BCL2L13: variants seen among roughly 807,000 people sequenced by gnomAD.
BCL2L13 encodes bcl-2-like protein 13.
BCL2L13 carries 13 observed loss-of-function variants against 25.8 expected under a neutral mutation model. That is an observed-to-expected ratio of 0.50 (90% CI 0.33 to 0.80). The LOEUF (loss-of-function observed/expected upper bound fraction) is 0.80, where lower values mean the gene tolerates loss of function less well. BCL2L13 is among the 30% of genes least tolerant of loss of function. The probability of loss-of-function intolerance (pLI) is 0.02; values close to 1 mark genes in which losing one functional copy is unlikely to be tolerated. For missense variants in BCL2L13, 504 were observed against 574.9 expected, an observed-to-expected ratio of 0.88 and a Z score of 1.26; for synonymous variants, 244 against 230.3, an observed-to-expected ratio of 1.06 and a Z score of -0.54.
intron 4 of BCL2L13, among the ~76,000 whole-genome samples, chr22:17,690,272 G>A (rs554356068): frequency 2.6e-5 from 4 of 152,202 alleles, no homozygotes; most frequent in Non-Finnish European, 5.9e-5. Context: ...GTTGCAGTGA[G>A]CTGAGATCAT....
chr22:17,718,839 C>G (rs1424357707), intron 6 of BCL2L13, among the ~76,000 whole-genome samples: 1 of 152,306 alleles, frequency 6.6e-6, no homozygotes, highest in African/African-American at 2.4e-5. Flanking sequence ...ATATCAGTAT[C>G]TAATTTTGTA....
At chr22:17,661,534 G>A (rs192021231) in intron 2 of BCL2L13, among the ~76,000 whole-genome samples, 2 of 146,130 alleles carry the variant, frequency 1.4e-5, no homozygotes, top group East Asian at 1.9e-4. Context: ...ACAGTCAAAG[G>A]GCTGAACTTT....
chr22:17,680,635 G>A (rs2059723295), intron 2 of BCL2L13, among the ~76,000 whole-genome samples: 1 of 151,646 alleles, frequency 6.6e-6, no homozygotes, highest in East Asian at 1.9e-4. Context: ...AGTGCATTGC[G>A]GTGTCTTAAG....
chr22:17,683,080 C>T (rs868103346), intron 2 of BCL2L13, 134 bp from the exon 3 acceptor site: 35 of 537,106 alleles, frequency 6.5e-5, no homozygotes, highest in African/African-American at 5.2e-4. Flanking sequence ...TTGCAGTGAG[C>T]GGAGATCATG....
At chr22:17,707,207 T>C (rs1432591114) in intron 6 of BCL2L13, among the ~76,000 whole-genome samples, 1 of 152,160 alleles carries the variant, frequency 6.6e-6, no homozygotes, top group African/African-American at 2.4e-5. Context: ...TATATGTGGG[T>C]GTGGATGTTT....
intron 4 of BCL2L13, among the ~76,000 whole-genome samples, chr22:17,693,757 A>G (rs750289430): frequency 6.6e-6 from 1 of 151,016 alleles, no homozygotes; most frequent in Non-Finnish European, 1.5e-5. Context: ...TTAATTTGAG[A>G]TGGAGTTTCG....
Position 17,702,387 on chromosome 22 carries a change from GTATGAGCTGTTA to G in BCL2L13, c.600+5_600+16del. ...GTACATCATTCAGCAAGGTGGCTGG[GTATGAGCTGTTA>G]TATATTAAAAATATTTTCTTGAAAA... On this transcript the variant is annotated splice_donor_variant and splice_donor_5th_base_variant and intron_variant, in intron 6 of 6. Transcript: ENST00000317582. LOFTEE classifies it high-confidence loss of function. The G allele has an allele frequency of 6.4e-7, 1 of 1,571,252 alleles. No homozygotes were observed. The highest frequency in any genetic ancestry group is 1.7e-4 in the Middle Eastern group (1 of 5,890).
At chr22:17,704,642 T>A (rs962069141) in intron 6 of BCL2L13, among the ~76,000 whole-genome samples, 4 of 151,818 alleles carry the variant, frequency 2.6e-5, no homozygotes, top group Non-Finnish European at 4.4e-5. Context: ...TGGGTGTGGC[T>A]GAAGATGATG....
rs1316498010 is a variant in BCL2L13 at position 17,645,334 on chromosome 22, G to C, written c.-51+6448G>C. ...CTTTCTCGGTTCAAGCGATTCTCAT[G>C]CCTCAGCCTCCTGAGTAGCTGGGAT... is the stretch of plus-strand genomic sequence containing the variant. On this transcript the variant is annotated intron_variant, in intron 1 of 6. Transcript: ENST00000317582. Among the ~76,000 whole-genome samples, 4 of 142,482 alleles carry C rather than the reference G, an allele frequency of 2.8e-5. No homozygotes were observed. In the East Asian group the frequency reaches 8.4e-4, roughly 30 times the overall value. 93.5% of individuals were successfully genotyped at this position (142,482 alleles called of 152,430 possible).
intron 6 of BCL2L13, among the ~76,000 whole-genome samples, chr22:17,710,449 G>A (rs1040678006): frequency 1.3e-4 from 19 of 151,816 alleles, no homozygotes; most frequent in South Asian, 2.1e-4. Context: ...GCATGGTGGC[G>A]CACACCTGTA....
chr22:17,672,736 CATCACATTAGT>C (rs2059453521), intron 2 of BCL2L13, among the ~76,000 whole-genome samples: 1 of 152,200 alleles, frequency 6.6e-6, no homozygotes, highest in Non-Finnish European at 1.5e-5. Context: ...GTGTAATCAG[CATCACATTAGT>C]CTCAAGAGAA....
intron 1 of BCL2L13, among the ~76,000 whole-genome samples, chr22:17,643,324 T>TAA (rs2058354218): frequency 6.6e-6 from 1 of 151,716 alleles, no homozygotes; most frequent in Admixed American, 6.6e-5. Context: ...TGTGAGGTCT[T>TAA]CACTCCCGAC....
At chr22:17,720,050 CTT>C (rs775175473) in intron 6 of BCL2L13, among the ~76,000 whole-genome samples, 28 of 152,036 alleles carry the variant, frequency 1.8e-4, no homozygotes, top group Non-Finnish European at 3.2e-4. Context: ...CAAAGGGTGT[CTT>C]TTTGGGATGA....
intron 2 of BCL2L13, among the ~76,000 whole-genome samples, chr22:17,676,306 A>T (rs28523720): frequency 2.8e-4 from 1 of 3,568 alleles, no homozygotes; most frequent in African/African-American, 1.9e-3. Context: ...TACTAAAAAC[A>T]AAAAAAAATA....
chr22:17,657,715 ACT>A (rs1186417385), intron 2 of BCL2L13, among the ~76,000 whole-genome samples: 1 of 141,882 alleles, frequency 7.0e-6, no homozygotes, highest in Admixed American at 7.2e-5. Context: ...ATGGGGTTTC[ACT>A]CTGTTAGCCA....
At position 17,730,328 on chromosome 22, in the gene BCL2L13, C is replaced by G. The variant is rs1190819708; in HGVS notation, c.*2794C>G. 1 of 152,088 alleles carries G rather than the reference C, an allele frequency of 6.6e-6. No individual in the cohort carries two copies. The highest frequency in any genetic ancestry group is 6.6e-5 in the Admixed American group (1 of 15,266). The allele number at this position is 152,088 out of a possible 1,614,324, so 9.4% of individuals were successfully genotyped here. ...TTGACCTTCTGGTTCACCCATCTCC[C>G]CCTCGAGGCATTCTTGATACCCCTT... On this transcript the variant is annotated 3_prime_UTR_variant, in exon 7 of 7. Coordinates refer to ENST00000317582, the MANE Select transcript of BCL2L13 (RefSeq NM_015367.4).
intron 2 of BCL2L13, among the ~76,000 whole-genome samples, chr22:17,656,326 C>T (rs898448136): frequency 2.0e-5 from 2 of 100,892 alleles, no homozygotes; most frequent in African/African-American, 3.9e-5. Flanking sequence ...TATTTTTTTT[C>T]ATTTTATTCT....
intron 2 of BCL2L13, among the ~76,000 whole-genome samples, chr22:17,661,715 G>T (rs573627755): frequency 1.4e-5 from 2 of 145,988 alleles, no homozygotes; most frequent in African/African-American, 4.9e-5. Flanking sequence ...TTATGTGCCG[G>T]GTGTGGTGGC....
chr22:17,645,888 A>G (rs1048722432), intron 1 of BCL2L13, among the ~76,000 whole-genome samples: 1 of 151,436 alleles, frequency 6.6e-6, no homozygotes, highest in Non-Finnish European at 1.5e-5. Flanking sequence ...ATATTTAGGG[A>G]AAAAAACACA....
Sources: gnomAD v4.1 joint callset for allele counts (sites outside exome capture counted in the v4.1 genomes callset) on GRCh38, gnomAD v4.1.1 for gene constraint, MANE v1.5 for transcripts, NCBI Gene and HGNC (gene_info 2026-07-23, HGNC 2026-07-21) for gene names.